ITGBL1: variants seen among roughly 807,000 people sequenced by gnomAD.
ITGBL1 encodes integrin subunit beta like 1.
ITGBL1 carries 51 observed loss-of-function variants against 68.5 expected under a neutral mutation model. The observed-to-expected ratio is 0.74, with a 90% CI of 0.59 to 0.94. The LOEUF (loss-of-function observed/expected upper bound fraction) is 0.94. ITGBL1 is among the 40% of genes least tolerant of loss of function. The probability of loss-of-function intolerance (pLI) is 0.00; values close to 1 mark genes in which losing one functional copy is unlikely to be tolerated. For missense variants in ITGBL1, 649 were observed against 647.4 expected, an observed-to-expected ratio of 1.00 and a Z score of -0.03; for synonymous variants, 209 against 227.3, an observed-to-expected ratio of 0.92 and a Z score of 0.72.
intron 7 of ITGBL1, among the ~76,000 whole-genome samples, chr13:101,612,913 C>T (rs79146088): frequency 7.2e-5 from 11 of 152,090 alleles, no homozygotes; most frequent in Non-Finnish European, 1.3e-4. Context: ...CTTCCCTCAG[C>T]GTCCGTAGCT....
intron 4 of ITGBL1, among the ~76,000 whole-genome samples, chr13:101,578,707 C>T (rs2050404546): frequency 6.6e-6 from 1 of 152,174 alleles, no homozygotes. Context: ...TGGCCAAGGG[C>T]CCATGGTATT....
At chr13:101,481,002 A>ATGTGTGTGTG (rs71121195) in intron 2 of ITGBL1, among the ~76,000 whole-genome samples, 4 of 143,232 alleles carry the variant, frequency 2.8e-5, no homozygotes, top group African/African-American at 7.8e-5. Context: ...GCCAAAAGAT[A>ATGTGTGTGTG]TGTGTGTGTG....
chr13:101,547,827 A>G (rs1034952030), intron 2 of ITGBL1, among the ~76,000 whole-genome samples: 1 of 151,672 alleles, frequency 6.6e-6, no homozygotes. Flanking sequence ...CTATAAATAC[A>G]TACACCTATT....
At chr13:101,524,345 T>C (rs1170585289) in intron 2 of ITGBL1, among the ~76,000 whole-genome samples, 4 of 151,228 alleles carry the variant, frequency 2.6e-5, no homozygotes, top group African/African-American at 9.7e-5. Context: ...AAAGAAGTTC[T>C]TTTTTGGTGA....
chr13:101,707,611 G>A (rs1171868092), intron 9 of ITGBL1, among the ~76,000 whole-genome samples: 4 of 151,962 alleles, frequency 2.6e-5, no homozygotes, highest in African/African-American at 4.8e-5. Flanking sequence ...AGGCCAAGGC[G>A]GGTGGATCAC....
Position 101,713,098 on chromosome 13 carries a change from C to G in ITGBL1, c.1280-1340C>G, listed in dbSNP as rs377117992. The G allele has an allele frequency of 2.3e-4, 35 of 152,346 alleles. 1 individual carries two copies. The highest frequency in any genetic ancestry group is 1.2e-3 in the South Asian group (6 of 4,828). The allele number at this position is 152,346 out of a possible 1,614,324, so 9.4% of individuals were successfully genotyped here. ...CAATCTAAATAATTCTGACTGCACT[C>G]TTACTTTGAGAAGTGTGTCAAGAAA... is the stretch of plus-strand genomic sequence containing the variant. On this transcript the variant is annotated intron_variant, in intron 9 of 10. Coordinates refer to ENST00000376180, the MANE Select transcript of ITGBL1 (RefSeq NM_004791.3).
chr13:101,576,222 T>C (rs181368182), intron 4 of ITGBL1, among the ~76,000 whole-genome samples: 1 of 152,240 alleles, frequency 6.6e-6, no homozygotes, highest in East Asian at 1.9e-4. Context: ...GAACCCAGGG[T>C]CAGTCCACCA....
intron 7 of ITGBL1, among the ~76,000 whole-genome samples, chr13:101,616,656 A>G (rs770260249): frequency 4.6e-5 from 7 of 151,972 alleles, no homozygotes; most frequent in Non-Finnish European, 7.4e-5. Context: ...ATGCCCGGCT[A>G]ATTTTTGTAT....
At chr13:101,469,961 C>T (rs2048435007) in intron 2 of ITGBL1, among the ~76,000 whole-genome samples, 1 of 152,172 alleles carries the variant, frequency 6.6e-6, no homozygotes, top group Non-Finnish European at 1.5e-5. Context: ...GCACAAATCA[C>T]GTAACTTCTC....
intron 2 of ITGBL1, among the ~76,000 whole-genome samples, chr13:101,459,606 G>C (rs1241161434): frequency 1.3e-5 from 2 of 152,014 alleles, no homozygotes; most frequent in Non-Finnish European, 2.9e-5. Flanking sequence ...AGCTGGGCAT[G>C]GTGCACACCT....
rs1412795282 is a variant in ITGBL1 at position 101,598,244 on chromosome 13, T to G, written c.960T>G (p.Ala320=). The change falls in exon 7 of 11, where the codon GCT becomes GCG. Residue 320 remains alanine (A), a synonymous_variant. Coordinates refer to ENST00000376180, the MANE Select transcript of ITGBL1 (RefSeq NM_004791.3). ...ACCCACAGTCCTGCACGCTGTCAGC[T>G]GAGGAGAGCATCAGGAAGTGCCAGG... The part of the protein sequence containing the change: ...CEHPQSCTLS[A]EESIRKCQGS... 18 of 1,613,590 alleles carry G rather than the reference T, an allele frequency of 1.1e-5. No homozygotes were observed. Among genetic ancestry groups the G allele is most frequent in the Non-Finnish European group, 1.5e-5 (18 of 1,179,876 alleles).
intron 7 of ITGBL1, among the ~76,000 whole-genome samples, chr13:101,662,256 G>T (rs959589230): frequency 6.6e-6 from 1 of 152,084 alleles, no homozygotes; most frequent in Non-Finnish European, 1.5e-5. Flanking sequence ...AAAATGGCAA[G>T]AATGTTCTTG....
intron 7 of ITGBL1, among the ~76,000 whole-genome samples, chr13:101,605,858 G>A (rs1377682029): frequency 6.7e-6 from 1 of 149,876 alleles, no homozygotes; most frequent in South Asian, 2.1e-4. Context: ...ATGTATGTGT[G>A]TATATGTGTA....
chr13:101,524,623 G>C (rs1015034975), intron 2 of ITGBL1, among the ~76,000 whole-genome samples: 4 of 146,650 alleles, frequency 2.7e-5, no homozygotes, highest in Admixed American at 2.1e-4. Flanking sequence ...TTTTTAGTGA[G>C]AGATAGATTG....
At chr13:101,690,444 G>C (rs1594983119) in intron 7 of ITGBL1, among the ~76,000 whole-genome samples, 1 of 152,126 alleles carries the variant, frequency 6.6e-6, no homozygotes, top group Non-Finnish European at 1.5e-5. Flanking sequence ...GTAGAAACTG[G>C]TTCTATGTAA....
At chr13:101,480,492 T>C (rs2048602611) in intron 2 of ITGBL1, among the ~76,000 whole-genome samples, 1 of 152,046 alleles carries the variant, frequency 6.6e-6, no homozygotes, top group South Asian at 2.1e-4. Context: ...AAATAATTTA[T>C]TGTACATTTA....
intron 8 of ITGBL1, among the ~76,000 whole-genome samples, chr13:101,699,974 G>A (rs138246347): frequency 6.6e-5 from 10 of 152,270 alleles, no homozygotes; most frequent in Admixed American, 2.0e-4. Context: ...CTTACTGAAT[G>A]TTCTTGTCTG....
intron 2 of ITGBL1, among the ~76,000 whole-genome samples, chr13:101,540,556 G>A (rs927949603): frequency 5.9e-5 from 9 of 152,136 alleles, no homozygotes; most frequent in Non-Finnish European, 1.3e-4. Context: ...GGTTCCATAT[G>A]AACTTTAAAG....
chr13:101,573,569 A>G (rs1415655713), intron 3 of ITGBL1, among the ~76,000 whole-genome samples: 3 of 152,140 alleles, frequency 2.0e-5, no homozygotes, highest in Non-Finnish European at 4.4e-5. Flanking sequence ...CTCAAATCCT[A>G]CTATGTACTA....
Sources: gnomAD v4.1 joint callset for allele counts (sites outside exome capture counted in the v4.1 genomes callset) on GRCh38, gnomAD v4.1.1 for gene constraint, MANE v1.5 for transcripts, NCBI Gene and HGNC (gene_info 2026-07-23, HGNC 2026-07-21) for gene names.